Variants in SMARCA5 observed in about 807,000 individuals in gnomAD.
SMARCA5 encodes the protein SWI/SNF-related matrix-associated actin-dependent regulator of chromatin subfamily A member 5.
Under a neutral mutation model 140.4 loss-of-function variants are expected in SMARCA5, and 18 were observed. That is an observed-to-expected ratio of 0.13 (90% CI 0.09 to 0.19). The LOEUF is 0.19. SMARCA5 is among the 10% of genes least tolerant of loss of function. The pLI is 1.00. For missense variants in SMARCA5, 606 were observed against 1,276.8 expected (o/e 0.47, Z 8.01); for synonymous variants, 449 against 419.6 (o/e 1.07, Z -0.86).
intron 17 of SMARCA5, 84 bp downstream of exon 17, chr4:143,544,931 A>G: frequency 1.5e-6 from 1 of 660,522 alleles, no homozygotes; most frequent in Non-Finnish European, 2.6e-6. Context: ...AAGATTGATA[A>G]TTAGATTTTG....
chr4:143,547,419 C>A lies in SMARCA5; in HGVS notation c.2688C>A (p.Asp896Glu). The change falls in exon 21 of 24, where the codon GAC becomes GAA. Residue 896 changes from aspartate (D) to glutamate (E), a missense_variant. Asp to Glu is a conservative substitution (Grantham distance 45). This residue lies in a region of SMARCA5 where 121 missense variants were observed against 227.1 expected (regional missense o/e 0.53). Coordinates refer to ENST00000283131, the MANE Select transcript of SMARCA5 (RefSeq NM_003601.4). Reference sequence around the variant, plus strand: ...GGGAAAGGTGCAACGAGCTCCAGGACATAGAGAAGATTATGGCTCAGATTG... The same window carrying A: ...GGGAAAGGTGCAACGAGCTCCAGGAAATAGAGAAGATTATGGCTCAGATTG... The part of the protein sequence containing the change: ...VFWERCNELQ[D>E]IEKIMAQIER... 2 of 1,608,122 alleles carry A rather than the reference C, an allele frequency of 1.2e-6. No individual in the cohort carries two copies. Among genetic ancestry groups the A allele is most frequent in the Non-Finnish European group, 1.7e-6 (2 of 1,175,208 alleles).
At chr4:143,543,690 A>G in intron 15 of SMARCA5, 33 bp downstream of exon 15, 1 of 1,566,262 alleles carries the variant, frequency 6.4e-7, no homozygotes, top group Non-Finnish European at 8.7e-7. Context: ...CTTTTAATAT[A>G]GAATGTTTTA....
intron 2 of SMARCA5, among the ~76,000 whole-genome samples, chr4:143,518,319 G>A (rs1198001728): frequency 6.6e-6 from 1 of 152,122 alleles, no homozygotes; most frequent in Non-Finnish European, 1.5e-5. Flanking sequence ...GGCTAACAGT[G>A]AATGTTTACT....
At chr4:143,526,132 C>G in intron 5 of SMARCA5, 149 bp from the exon 6 acceptor site, 2 of 658,318 alleles carry the variant, frequency 3.0e-6, no homozygotes, top group Non-Finnish European at 5.2e-6. Flanking sequence ...ATAACACTTA[C>G]AAACTTTGAT....
intron 22 of SMARCA5, among the ~76,000 whole-genome samples, chr4:143,549,413 GT>G (rs1375638913): frequency 1.3e-5 from 2 of 151,974 alleles, no homozygotes; most frequent in African/African-American, 4.8e-5. Context: ...TTCTTTCAGG[GT>G]TAACTGCTAC....
chr4:143,542,145 C>T (rs941813266), intron 14 of SMARCA5, among the ~76,000 whole-genome samples: 8 of 152,104 alleles, frequency 5.3e-5, no homozygotes, highest in African/African-American at 1.9e-4. Flanking sequence ...AGGTATGAGC[C>T]ACCACGCCTG....
In SMARCA5 at chr4:143,556,526, T is replaced by C. The variant is rs1383136760; in HGVS notation, c.*3342T>C. ...AGGAGGGTAATTTAAACAAAGTAGA[T>C]TAATGACACAAGGTGGATTGATGAA... On this transcript the variant is annotated 3_prime_UTR_variant, in exon 24 of 24. Coordinates refer to ENST00000283131, the MANE Select transcript of SMARCA5 (RefSeq NM_003601.4). The C allele has an allele frequency of 6.6e-6, 1 of 152,184 alleles. No individual in the cohort carries two copies. Among genetic ancestry groups the C allele is most frequent in the Non-Finnish European group, 1.5e-5 (1 of 68,032 alleles). 9.4% of individuals were successfully genotyped at this position (152,184 alleles called of 1,614,324 possible).
chr4:143,543,044 A>G (rs1420665741), intron 14 of SMARCA5, among the ~76,000 whole-genome samples: 2 of 152,208 alleles, frequency 1.3e-5, no homozygotes, highest in Non-Finnish European at 2.9e-5. Flanking sequence ...CTTTAAAAAG[A>G]AACTGATGTT....
chr4:143,537,128 T>A (rs1169698338), intron 11 of SMARCA5, among the ~76,000 whole-genome samples: 1 of 152,204 alleles, frequency 6.6e-6, no homozygotes, highest in Non-Finnish European at 1.5e-5. Flanking sequence ...TGACTTTTTT[T>A]ATGAAAATGG....
chr4:143,540,134 C>G (rs1737399596), intron 13 of SMARCA5, among the ~76,000 whole-genome samples: 1 of 152,092 alleles, frequency 6.6e-6, no homozygotes, highest in South Asian at 2.1e-4. Context: ...AAAATCTTTC[C>G]TCATCAGACT....
chr4:143,549,529 T>TGGGAAAGGTGCCATGTGATTGATTGA (rs1006009965), intron 22 of SMARCA5, among the ~76,000 whole-genome samples: 10 of 152,086 alleles, frequency 6.6e-5, no homozygotes, highest in Admixed American at 5.2e-4. Context: ...TTTCCAAAAT[T>TGGGAAAGGTGCCATGTGATTGATTGA]GGGAAAGGTG....
At chr4:143,517,021 A>G (rs549929480) in intron 1 of SMARCA5, among the ~76,000 whole-genome samples, 1 of 152,284 alleles carries the variant, frequency 6.6e-6, no homozygotes, top group African/African-American at 2.4e-5. Context: ...ATTTTATACT[A>G]TTTAGTTTGG....
At chr4:143,536,916 T>A (rs191427286) in intron 11 of SMARCA5, among the ~76,000 whole-genome samples, 50 of 152,312 alleles carry the variant, frequency 3.3e-4, no homozygotes, top group Non-Finnish European at 2.9e-5. Context: ...GAAGAGTTCA[T>A]ACTTTATATA....
Position 143,536,411 on chromosome 4 carries a change from G to A in SMARCA5, c.1269-41G>A, listed in dbSNP as rs780405455. On this transcript the variant is annotated intron_variant, in intron 10 of 23. Transcript: ENST00000283131. ...ATGTAAAGTGGCAGGGATTGATCAA[G>A]GAACATTTGAGCTCTAAAAATGTTT... 6 of 1,374,412 alleles carry A rather than the reference G, an allele frequency of 4.4e-6. No individual in the cohort carries two copies. The African/African-American group carries it at 7.2e-5, about 16-fold the overall frequency. 85.1% of individuals were successfully genotyped at this position (1,374,412 alleles called of 1,614,324 possible).
chr4:143,525,094 G>C (rs923039909), intron 4 of SMARCA5, among the ~76,000 whole-genome samples: 1 of 145,548 alleles, frequency 6.9e-6, no homozygotes, highest in Admixed American at 6.9e-5. Flanking sequence ...CAGATAACCT[G>C]TATCTGGTCT....
At chr4:143,518,379 T>G (rs902047434) in intron 2 of SMARCA5, among the ~76,000 whole-genome samples, 1 of 152,164 alleles carries the variant, frequency 6.6e-6, no homozygotes, top group Admixed American at 6.5e-5. Flanking sequence ...ACTCATTTAA[T>G]TGTATTGAAA....
rs368007825 is a variant in SMARCA5 at position 143,522,676 on chromosome 4, A to G, written c.419+1081A>G. ...ATTTTGCCCTTCAGCTGTATTTAAA[A>G]TATTTCAGACTTCAGAAGTTTGCAT... is the stretch of plus-strand genomic sequence containing the variant. On this transcript the variant is annotated intron_variant, in intron 3 of 23. Coordinates refer to ENST00000283131, the MANE Select transcript of SMARCA5 (RefSeq NM_003601.4). 8.5e-5 allele frequency among the ~76,000 whole-genome samples: 13 copies of G among 152,308 alleles called. No homozygotes were observed. The East Asian group carries it at 2.5e-3, about 29-fold the overall frequency.
At chr4:143,534,718 G>A in intron 9 of SMARCA5, 137 bp from the exon 10 acceptor site, 2 of 586,528 alleles carry the variant, frequency 3.4e-6, no homozygotes, top group South Asian at 2.6e-5. Context: ...GTATTTGCAG[G>A]GAGAAGTCCT....
chr4:143,531,001 A>T (rs1444770318), intron 9 of SMARCA5, among the ~76,000 whole-genome samples: 3 of 152,122 alleles, frequency 2.0e-5, no homozygotes, highest in African/African-American at 7.2e-5. Context: ...TTTTTTGTAG[A>T]GATAGTGTTT....
Sources: gnomAD v4.1 joint callset for allele counts (sites outside exome capture counted in the v4.1 genomes callset) on GRCh38, gnomAD v4.1.1 for gene constraint, gnomAD v4.1.1 regional missense constraint, MANE v1.5 for transcripts, NCBI Gene and HGNC (gene_info 2026-07-23, HGNC 2026-07-21) for gene names.